GIGYF2: variants seen among roughly 807,000 people sequenced by gnomAD.
GIGYF2 encodes GRB10-interacting GYF protein 2.
A neutral mutation model predicts 208.1 loss-of-function variants in GIGYF2; 25 were observed. That is an observed-to-expected ratio of 0.12 (90% CI 0.09 to 0.17). The LOEUF (loss-of-function observed/expected upper bound fraction) is 0.17, where lower values mean the gene tolerates loss of function less well. Ranked by LOEUF, GIGYF2 falls within the 10% of genes least tolerant of loss-of-function variation. The pLI is 1.00. For synonymous variants in GIGYF2, 534 were observed against 543.8 expected, an observed-to-expected ratio of 0.98 and a Z score of 0.25; for missense variants, 1,302 against 1,579.4, an observed-to-expected ratio of 0.82 and a Z score of 2.98.
intron 25 of GIGYF2, among the ~76,000 whole-genome samples, chr2:232,845,390 T>C (rs1701964752): frequency 6.6e-6 from 1 of 152,210 alleles, no homozygotes; most frequent in African/African-American, 2.4e-5. Flanking sequence ...AGAACATCTT[T>C]ATTACTTATG....
intron 20 of GIGYF2, among the ~76,000 whole-genome samples, chr2:232,819,044 G>C (rs995359635): frequency 6.6e-6 from 1 of 151,468 alleles, no homozygotes; most frequent in Non-Finnish European, 1.5e-5. Context: ...TTTTCCATTG[G>C]GGTTTTCCTA....
intron 4 of GIGYF2, among the ~76,000 whole-genome samples, chr2:232,747,974 A>C (rs1447510491): frequency 6.6e-6 from 1 of 152,160 alleles, no homozygotes; most frequent in Non-Finnish European, 1.5e-5. Context: ...GTCAGCACTT[A>C]CTGCCTTCTC....
At chr2:232,819,659 C>T (rs780755382) in intron 20 of GIGYF2, among the ~76,000 whole-genome samples, 168 bp from the exon 21 acceptor site, 2 of 151,958 alleles carry the variant, frequency 1.3e-5, no homozygotes, top group African/African-American at 4.8e-5. Flanking sequence ...CGTCCAATTC[C>T]CCAATTTACA....
intron 8 of GIGYF2, among the ~76,000 whole-genome samples, chr2:232,769,561 G>A (rs1179410523): frequency 1.4e-5 from 2 of 147,852 alleles, no homozygotes; most frequent in Non-Finnish European, 1.5e-5. Flanking sequence ...ACTTTGAAAC[G>A]TATTTTTAAA....
chr2:232,836,371 TATATAA>T lies in GIGYF2; in HGVS notation c.2766+3290_2766+3295del, dbSNP rs1369499278. On this transcript the variant is annotated intron_variant, in intron 22 of 28. Transcript: ENST00000373563. ...ATATTTATATATATAAATATAAATA[TATATAA>T]ATATAAATATATATAAATATAAATA... 1.0e-4 allele frequency among the ~76,000 whole-genome samples: 7 copies of T among 67,064 alleles called. 1 individual carries two copies. The highest frequency in any genetic ancestry group is 4.3e-4 in the African/African-American group (7 of 16,186). The allele number at this position is 67,064 out of a possible 152,430, so 44.0% of individuals were successfully genotyped here. A position where few individuals can be genotyped will look rare whatever the true frequency, so the allele number is the denominator to read the frequency against.
intron 21 of GIGYF2, among the ~76,000 whole-genome samples, chr2:232,821,857 G>A (rs1701090483): frequency 6.6e-6 from 1 of 151,052 alleles, no homozygotes; most frequent in Non-Finnish European, 1.5e-5. Context: ...TGAGGTATGG[G>A]TTGTTCCAGT....
intron 14 of GIGYF2, among the ~76,000 whole-genome samples, chr2:232,797,608 A>G (rs1700263891): frequency 6.6e-6 from 1 of 151,934 alleles, no homozygotes; most frequent in Non-Finnish European, 1.5e-5. Flanking sequence ...TATACCCTTT[A>G]TACAGCTTCC....
intron 2 of GIGYF2, among the ~76,000 whole-genome samples, chr2:232,705,222 G>T (rs1255299778): frequency 6.6e-6 from 1 of 151,988 alleles, no homozygotes; most frequent in African/African-American, 2.4e-5. Flanking sequence ...TATAGAATTC[G>T]CAGGGTCCAA....
chr2:232,735,428 A>C (rs1233111665), intron 3 of GIGYF2, 190 bp downstream of exon 3: 6 of 501,188 alleles, frequency 1.2e-5, no homozygotes, highest in African/African-American at 2.0e-5. Flanking sequence ...TACTTAATTA[A>C]AATTTTTTTT....
At chr2:232,729,705 G>C (rs1252188065) in intron 2 of GIGYF2, 4 of 769,168 alleles carry the variant, frequency 5.2e-6, no homozygotes, top group Non-Finnish European at 9.3e-6. Flanking sequence ...CCATCTGCTT[G>C]AATGCCTCTG....
At chr2:232,800,271 T>G (rs941761906) in intron 14 of GIGYF2, among the ~76,000 whole-genome samples, 5 of 152,246 alleles carry the variant, frequency 3.3e-5, no homozygotes, top group Non-Finnish European at 7.3e-5. Context: ...GGTCATGCAC[T>G]TAGATCTTTG....
At chr2:232,720,585 T>TATATATA (rs772814342) in intron 2 of GIGYF2, among the ~76,000 whole-genome samples, 155 of 126,364 alleles carry the variant, frequency 1.2e-3, no homozygotes, top group African/African-American at 4.2e-3. Flanking sequence ...ATATATATAT[T>TATATATA]TTTGTTTGTT....
At chr2:232,805,563 GT>G (rs1700536078) in intron 14 of GIGYF2, among the ~76,000 whole-genome samples, 2 of 152,012 alleles carry the variant, frequency 1.3e-5, no homozygotes, top group African/African-American at 4.8e-5. Flanking sequence ...TGCCTACTTT[GT>G]TATATTTTGT....
intron 6 of GIGYF2, 128 bp downstream of exon 6, chr2:232,756,462 T>A: frequency 1.8e-6 from 1 of 565,706 alleles, no homozygotes; most frequent in Non-Finnish European, 3.1e-6. Flanking sequence ...CTAAATGTCC[T>A]GAATATTTAT....
At chr2:232,700,736 C>G (rs73107693) in intron 1 of GIGYF2, 1 of 151,966 alleles carries the variant, frequency 6.6e-6, no homozygotes, top group African/African-American at 2.4e-5. Context: ...TGAACTCAAG[C>G]TTTTTTTCAC....
chr2:232,798,927 G>T (rs1025324308), intron 14 of GIGYF2, among the ~76,000 whole-genome samples: 9 of 150,172 alleles, frequency 6.0e-5, no homozygotes, highest in African/African-American at 1.7e-4. Flanking sequence ...TTAAACAATA[G>T]TTCCTCATTT....
intron 2 of GIGYF2, among the ~76,000 whole-genome samples, chr2:232,728,337 C>T (rs1288897283): frequency 2.0e-5 from 3 of 151,984 alleles, no homozygotes; most frequent in Non-Finnish European, 4.4e-5. Flanking sequence ...CAGAAAGGTG[C>T]CTTAGGAAAA....
chr2:232,704,767 G>GCAAGCTTTAC (rs1183893900), intron 2 of GIGYF2, among the ~76,000 whole-genome samples: 1 of 151,606 alleles, frequency 6.6e-6, no homozygotes, highest in East Asian at 1.9e-4. Flanking sequence ...TAAAGGTTTA[G>GCAAGCTTTAC]CAAGCAGACA....
intron 1 of GIGYF2, among the ~76,000 whole-genome samples, chr2:232,697,667 C>T (rs1695660765): frequency 6.6e-6 from 1 of 152,234 alleles, no homozygotes; most frequent in Non-Finnish European, 1.5e-5. Context: ...CCGAGAAGCC[C>T]CTAGGCCAGG....
Sources: gnomAD v4.1 joint callset for allele counts (sites outside exome capture counted in the v4.1 genomes callset) on GRCh38, gnomAD v4.1.1 for gene constraint, MANE v1.5 for transcripts, NCBI Gene and HGNC (gene_info 2026-07-23, HGNC 2026-07-21) for gene names.